The following TMED10 variants were observed in gnomAD, a reference collection of about 807,000 sequenced individuals.
TMED10 encodes transmembrane p24 trafficking protein 10.
In TMED10, 7 loss-of-function variants were observed where a neutral mutation model predicts 23.1. The ratio of observed to expected loss-of-function variants is 0.30; its 90% confidence interval spans 0.17 to 0.57. TMED10 has a LOEUF of 0.57. TMED10 is among the 20% of genes least tolerant of loss of function. The pLI is 0.91. For synonymous variants in TMED10, 113 were observed against 106.9 expected (o/e 1.06, Z -0.35); for missense variants, 162 against 274.8 (o/e 0.59, Z 2.90).
intron 3 of TMED10, chr14:75,136,680 TCA>T (rs1373061079): frequency 6.6e-6 from 1 of 152,230 alleles, no homozygotes; most frequent in African/African-American, 2.4e-5. Context: ...GAATTCTGGT[TCA>T]TATAAATCCT....
chr14:75,167,489 C>CAA (rs1896179645), intron 1 of TMED10, among the ~76,000 whole-genome samples: 1 of 151,038 alleles, frequency 6.6e-6, no homozygotes, highest in Non-Finnish European at 1.5e-5. Context: ...GTCCTCATGC[C>CAA]TGGCCTATAG....
rs926030626 is a variant in TMED10 at position 75,151,897 on chromosome 14, A to C, written c.337+135T>G. The C allele has an allele frequency of 6.8e-6, 5 of 740,374 alleles. No homozygotes were observed. In the African/African-American group the frequency reaches 9.0e-5, roughly 13 times the overall value. The allele number at this position is 740,374 out of a possible 1,614,324, so 45.9% of individuals were successfully genotyped here. On this transcript the variant is annotated intron_variant, in intron 2 of 4. Transcript: ENST00000303575. ...CGACCTTTTAAAAGGTGCTCCAAAGACTACAAGGTAACAGGTCTCCAAATC... is the reference window on the plus strand; with the variant it reads ...CGACCTTTTAAAAGGTGCTCCAAAGCCTACAAGGTAACAGGTCTCCAAATC...
intron 4 of TMED10, chr14:75,135,523 G>C: frequency 4.5e-6 from 2 of 449,068 alleles, no homozygotes; most frequent in Non-Finnish European, 7.8e-6. Context: ...CTATCAGTTT[G>C]ATGTGGGTAT....
At chr14:75,148,740 T>C (rs990103351) in intron 2 of TMED10, among the ~76,000 whole-genome samples, 2 of 152,176 alleles carry the variant, frequency 1.3e-5, no homozygotes, top group African/African-American at 4.8e-5. Flanking sequence ...TGAAATGAAC[T>C]GAAGTCAATT....
chr14:75,176,402 T>C lies in TMED10; in HGVS notation c.178A>G (p.Ile60Val). ...CCAGCGCCCCCAGACTGGTCGGAGA[T>C]CTCGTACGCGCCAGTCACTAGCAGG... ...KDLLVTGAYEISDQSGGAGGL... is the reference protein window; with the variant it reads ...KDLLVTGAYEVSDQSGGAGGL... Residue 60 changes from isoleucine to valine, a missense_variant, in exon 1 of 5, where the codon ATC becomes GTC. Physicochemically the swap from Ile to Val is conservative, Grantham distance 29. This residue lies in a region of TMED10 where 126 missense variants were observed against 239.5 expected (regional missense o/e 0.53). Coordinates refer to ENST00000303575, the MANE Select transcript of TMED10 (RefSeq NM_006827.6). The C allele has an allele frequency of 6.2e-7, 1 of 1,614,098 alleles. No homozygotes were observed. Among genetic ancestry groups the C allele is most frequent in the South Asian group, 1.1e-5 (1 of 91,076 alleles).
chr14:75,151,206 GT>G (rs1007698729), intron 2 of TMED10, among the ~76,000 whole-genome samples: 1 of 148,690 alleles, frequency 6.7e-6, no homozygotes, highest in Non-Finnish European at 1.5e-5. Flanking sequence ...CGCCCGGCCA[GT>G]TTTTTTTGTT....
At chr14:75,141,994 AT>A (rs913055944) in intron 3 of TMED10, among the ~76,000 whole-genome samples, 6 of 152,234 alleles carry the variant, frequency 3.9e-5, no homozygotes, top group African/African-American at 1.4e-4. Flanking sequence ...AAGCTAAAAA[AT>A]CCTCAATATC....
In TMED10 at chr14:75,131,886, C is replaced by T. The variant is rs1346167561; in HGVS notation, c.*2999G>A. The T allele has an allele frequency of 6.6e-6, 1 of 152,312 alleles. No homozygotes were observed. The highest frequency in any genetic ancestry group is 1.5e-5 in the Non-Finnish European group (1 of 68,030). 9.4% of individuals were successfully genotyped at this position (152,312 alleles called of 1,614,324 possible). ...TGAAAGAATGTCAACTCCTACAAAG[C>T]TTAAGTTTAGGGTCACACTTGGGAA... On this transcript the variant is annotated 3_prime_UTR_variant, in exon 5 of 5. Coordinates refer to ENST00000303575, the MANE Select transcript of TMED10 (RefSeq NM_006827.6).
chr14:75,155,829 C>T (rs1419688325), intron 1 of TMED10, among the ~76,000 whole-genome samples: 4 of 152,134 alleles, frequency 2.6e-5, no homozygotes, highest in Admixed American at 6.5e-5. Flanking sequence ...AAAAATATGG[C>T]ATTATCATAT....
chr14:75,172,230 G>A (rs1896242867), intron 1 of TMED10, among the ~76,000 whole-genome samples: 1 of 152,050 alleles, frequency 6.6e-6, no homozygotes, highest in Admixed American at 6.6e-5. Flanking sequence ...ACTTGAGAGA[G>A]ACAACAAATT....
At chr14:75,173,375 G>C (rs895580057) in intron 1 of TMED10, among the ~76,000 whole-genome samples, 3 of 151,052 alleles carry the variant, frequency 2.0e-5, no homozygotes, top group African/African-American at 4.9e-5. Context: ...GAGAGAGGGA[G>C]GAAGAAAGGA....
chr14:75,157,522 C>A (rs1327762871), intron 1 of TMED10, among the ~76,000 whole-genome samples: 2 of 151,968 alleles, frequency 1.3e-5, no homozygotes, highest in Admixed American at 1.3e-4. Flanking sequence ...GGTTGACATG[C>A]GCCTGTGGTC....
At chr14:75,159,494 G>A (rs954740780) in intron 1 of TMED10, among the ~76,000 whole-genome samples, 5 of 152,214 alleles carry the variant, frequency 3.3e-5, no homozygotes, top group African/African-American at 1.2e-4. Flanking sequence ...ATTTAACAGT[G>A]TTTGCAGGAT....
chr14:75,151,290 G>A (rs969769835), intron 2 of TMED10, among the ~76,000 whole-genome samples: 5 of 151,928 alleles, frequency 3.3e-5, no homozygotes, highest in African/African-American at 4.8e-5. Context: ...ACACAATCTT[G>A]CTCACTGCAA....
In TMED10 at chr14:75,176,341, G is replaced by A. The variant is rs1344183736; in HGVS notation, c.225+14C>T. ...CCGTCTTCCCTCCCGGCCCCACGTC[G>A]CCCAATGCCGCACCTTGAGGTGGCT... On this transcript the variant is annotated intron_variant, in intron 1 of 4. Transcript: ENST00000303575. 6.2e-7 allele frequency: 1 copy of A among 1,613,622 alleles called. No individual in the cohort carries two copies. Among genetic ancestry groups the A allele is most frequent in the Admixed American group, 1.7e-5 (1 of 60,006 alleles).
intron 3 of TMED10, among the ~76,000 whole-genome samples, chr14:75,145,090 A>G (rs946663794): frequency 1.3e-5 from 2 of 152,194 alleles, no homozygotes; most frequent in African/African-American, 4.8e-5. Context: ...GCAGGGGTGA[A>G]GGGCAGGAGG....
chr14:75,159,454 C>CT (rs1296597486), intron 1 of TMED10, among the ~76,000 whole-genome samples: 1 of 152,200 alleles, frequency 6.6e-6, no homozygotes, highest in Non-Finnish European at 1.5e-5. Flanking sequence ...AGGAAAGAGA[C>CT]TAAGTCATTG....
At chr14:75,144,024 A>G (rs1030758375) in intron 3 of TMED10, among the ~76,000 whole-genome samples, 5 of 152,168 alleles carry the variant, frequency 3.3e-5, no homozygotes, top group African/African-American at 1.2e-4. Context: ...ACTTTTGGAA[A>G]GTCTTCAGCT....
At chr14:75,152,186 C>G (rs773865971) in intron 1 of TMED10, 43 bp from the exon 2 acceptor site, 1 of 1,501,626 alleles carries the variant, frequency 6.7e-7, no homozygotes, top group South Asian at 1.1e-5. Context: ...AAATAACACT[C>G]AGGAAGAGAA....
Sources: allele counts gnomAD v4.1 joint callset (sites outside exome capture counted in the v4.1 genomes callset), GRCh38; gene constraint gnomAD v4.1.1; regional missense constraint gnomAD v4.1.1; transcripts MANE v1.5; gene names NCBI Gene and HGNC (gene_info 2026-07-23, HGNC 2026-07-21).